KIF6: variants seen among roughly 807,000 people sequenced by gnomAD.
KIF6 encodes the protein kinesin-like protein KIF6.
KIF6 carries 106 observed loss-of-function variants against 112.7 expected under a neutral mutation model. The ratio of observed to expected loss-of-function variants is 0.94; its 90% CI spans 0.80 to 1.11. KIF6 has a LOEUF of 1.11. KIF6 is among the 50% of genes least tolerant of loss of function. KIF6 has a pLI of 0.00. For synonymous variants in KIF6, 339 were observed against 339.9 expected (o/e 1.00, Z 0.03); for missense variants, 929 against 964.0 (o/e 0.96, Z 0.48).
chr6:39,602,777 C>T (rs988835602), intron 6 of KIF6, among the ~76,000 whole-genome samples: 2 of 152,120 alleles, frequency 1.3e-5, no homozygotes, highest in Non-Finnish European at 2.9e-5. Flanking sequence ...AATCACTACT[C>T]TCTACATCTT....
At chr6:39,647,192 C>G (rs1785210623) in intron 3 of KIF6, among the ~76,000 whole-genome samples, 1 of 152,118 alleles carries the variant, frequency 6.6e-6, no homozygotes, top group Non-Finnish European at 1.5e-5. Context: ...TGTAAAATTT[C>G]CAGCAAGATT....
chr6:39,632,029 C>T (rs1784376080), intron 5 of KIF6, among the ~76,000 whole-genome samples: 1 of 152,054 alleles, frequency 6.6e-6, no homozygotes, highest in Non-Finnish European at 1.5e-5. Context: ...GTCAGTATTT[C>T]TCACATTTAC....
chr6:39,381,878 G>C (rs947674899), intron 16 of KIF6, among the ~76,000 whole-genome samples: 1 of 152,226 alleles, frequency 6.6e-6, no homozygotes, highest in African/African-American at 2.4e-5. Context: ...GGCAAAGCTA[G>C]GCGCTACTGA....
At chr6:39,396,264 G>C (rs1003031159) in intron 15 of KIF6, among the ~76,000 whole-genome samples, 11 of 152,236 alleles carry the variant, frequency 7.2e-5, no homozygotes, top group African/African-American at 2.4e-4. Flanking sequence ...GCATATGCAC[G>C]TTGCGTCTTT....
chr6:39,698,917 T>C (rs1788708701), intron 3 of KIF6, among the ~76,000 whole-genome samples: 1 of 152,234 alleles, frequency 6.6e-6, no homozygotes, highest in Non-Finnish European at 1.5e-5. Flanking sequence ...GTAAACAATT[T>C]GAGGAATCAA....
chr6:39,555,283 C>A (rs1330378985), intron 10 of KIF6, among the ~76,000 whole-genome samples: 1 of 152,180 alleles, frequency 6.6e-6, no homozygotes, highest in Non-Finnish European at 1.5e-5. Context: ...CCACATTCCA[C>A]CTCCCAAGGC....
At chr6:39,661,464 T>C (rs1056313403) in intron 3 of KIF6, among the ~76,000 whole-genome samples, 1 of 152,186 alleles carries the variant, frequency 6.6e-6, no homozygotes, top group Non-Finnish European at 1.5e-5. Flanking sequence ...TCTGTGTCTA[T>C]TGCCTATGTG....
chr6:39,360,651 GGACTGGGAC>G, intron 17 of KIF6, 121 bp from the exon 18 acceptor site: 1 of 1,136,978 alleles, frequency 8.8e-7, no homozygotes, highest in Non-Finnish European at 1.3e-6. Flanking sequence ...TGGTGCTCAG[GGACTGGGAC>G]CCTATAGGAG....
At chr6:39,345,032 C>T (rs1368955877) in intron 21 of KIF6, among the ~76,000 whole-genome samples, 1 of 152,246 alleles carries the variant, frequency 6.6e-6, no homozygotes, top group Non-Finnish European at 1.5e-5. Flanking sequence ...TAGCATTCCC[C>T]TTCAGCAAAC....
At chr6:39,492,094 A>G (rs1775510645) in intron 13 of KIF6, among the ~76,000 whole-genome samples, 1 of 152,166 alleles carries the variant, frequency 6.6e-6, no homozygotes, top group Non-Finnish European at 1.5e-5. Flanking sequence ...AAGATTCTTT[A>G]TTAAGACCTC....
chr6:39,356,278 T>G (rs977923042), intron 19 of KIF6, among the ~76,000 whole-genome samples: 12 of 151,956 alleles, frequency 7.9e-5, no homozygotes, highest in African/African-American at 2.9e-4. Context: ...CCTTCTTCTT[T>G]TTTTTTTTTG....
At chr6:39,340,747 CAG>C (rs1284439381) in intron 22 of KIF6, among the ~76,000 whole-genome samples, 1 of 152,176 alleles carries the variant, frequency 6.6e-6, no homozygotes, top group Non-Finnish European at 1.5e-5. Context: ...ACCACTCTGA[CAG>C]GGACCTGGAC....
chr6:39,559,829 T>TAA (rs534131446), intron 10 of KIF6, among the ~76,000 whole-genome samples: 3 of 141,586 alleles, frequency 2.1e-5, no homozygotes, highest in Non-Finnish European at 3.1e-5. Flanking sequence ...AGTGGTACTT[T>TAA]AAAAAAAAAA....
chr6:39,709,826 A>C (rs1343276117), intron 3 of KIF6, among the ~76,000 whole-genome samples: 2 of 151,950 alleles, frequency 1.3e-5, no homozygotes, highest in African/African-American at 2.4e-5. Flanking sequence ...AATAGCGGAC[A>C]TTTCTGTTTA....
chr6:39,528,713 C>T (rs1165954122), intron 13 of KIF6, among the ~76,000 whole-genome samples: 1 of 152,154 alleles, frequency 6.6e-6, no homozygotes, highest in African/African-American at 2.4e-5. Context: ...ATTTGCATTT[C>T]ACTAATGATT....
chr6:39,387,599 A>G (rs1289091984), intron 15 of KIF6, among the ~76,000 whole-genome samples: 23 of 152,116 alleles, frequency 1.5e-4, no homozygotes, highest in Admixed American at 1.5e-3. Flanking sequence ...GGGAAGTGGA[A>G]ACTTGACCCA....
intron 5 of KIF6, among the ~76,000 whole-genome samples, chr6:39,630,044 T>C (rs939905002): frequency 6.6e-6 from 1 of 152,112 alleles, no homozygotes; most frequent in African/African-American, 2.4e-5. Flanking sequence ...CATTGATATA[T>C]GTGTCAGTTC....
chr6:39,702,446 G>T (rs1198744318), intron 3 of KIF6, among the ~76,000 whole-genome samples: 1 of 152,170 alleles, frequency 6.6e-6, no homozygotes, highest in Non-Finnish European at 1.5e-5. Context: ...CTGGAAACTG[G>T]GTAGAACATT....
chr6:39,447,650 GA>G (rs10714699), intron 13 of KIF6, among the ~76,000 whole-genome samples: 41,785 of 150,610 alleles, frequency 0.28, 8,061 homozygotes, highest in African/African-American at 0.55. Flanking sequence ...CTTGGGGGAG[GA>G]AAAAAAAATA....
Sources: allele counts gnomAD v4.1 joint callset (sites outside exome capture counted in the v4.1 genomes callset), GRCh38; gene constraint gnomAD v4.1.1; transcripts MANE v1.5; gene names NCBI Gene and HGNC (gene_info 2026-07-23, HGNC 2026-07-21).